The following ABCA12 variants were observed in gnomAD, a reference collection of about 807,000 sequenced individuals.
ABCA12 encodes the protein ATP binding cassette subfamily A member 12, also known as glucosylceramide transporter ABCA12.
Under a neutral mutation model 293.5 loss-of-function variants are expected in ABCA12, and 156 were observed. That is an observed-to-expected ratio of 0.53 (90% confidence interval 0.47 to 0.61). The LOEUF (loss-of-function observed/expected upper bound fraction) is 0.61, where lower values mean the gene tolerates loss of function less well. ABCA12 is among the 20% of genes least tolerant of loss of function. The pLI, the probability that ABCA12 is intolerant of heterozygous loss-of-function variation, is 0.00. For synonymous variants in ABCA12, 1,063 were observed against 1,108.0 expected, an observed-to-expected ratio of 0.96 and a Z score of 0.81; for missense variants, 2,797 against 3,090.2, an observed-to-expected ratio of 0.91 and a Z score of 2.25.
chr2:214,932,830 C>T (rs575250438), intron 52 of ABCA12, 89 bp from the exon 53 acceptor site: 2 of 917,852 alleles, frequency 2.2e-6, no homozygotes, highest in African/African-American at 3.3e-5. Context: ...TCCCCTTCCT[C>T]TCTCCTAGTG....
At chr2:215,054,518 G>T in intron 4 of ABCA12, 55 bp downstream of exon 4, 1 of 1,379,840 alleles carries the variant, frequency 7.2e-7, no homozygotes, top group Non-Finnish European at 1.0e-6. Flanking sequence ...TCAAAGATTA[G>T]ACCTTTACTG....
intron 39 of ABCA12, 124 bp from the exon 40 acceptor site, chr2:214,959,202 C>A (rs1574942731): frequency 3.4e-6 from 3 of 871,500 alleles, no homozygotes; most frequent in Admixed American, 2.2e-5. Flanking sequence ...ATTTGGGGGA[C>A]CTTTTTTTTT....
intron 23 of ABCA12, among the ~76,000 whole-genome samples, chr2:214,993,414 C>T (rs1699967684): frequency 6.6e-6 from 1 of 152,168 alleles, no homozygotes. Context: ...ATATCTTATT[C>T]CAGCAATTCT....
At chr2:215,101,278 A>G (rs1702350978) in intron 2 of ABCA12, among the ~76,000 whole-genome samples, 1 of 152,206 alleles carries the variant, frequency 6.6e-6, no homozygotes, top group Non-Finnish European at 1.5e-5. Flanking sequence ...TTTTAAGTTG[A>G]AAAGAAAGGA....
At position 214,932,278 on chromosome 2, in the gene ABCA12, T is replaced by A; in HGVS notation, c.*356A>T. 3.9e-6 allele frequency: 1 copy of A among 257,946 alleles called. No individual in the cohort carries two copies. Among genetic ancestry groups the A allele is most frequent in the Non-Finnish European group, 7.6e-6 (1 of 132,078 alleles). The allele number at this position is 257,946 out of a possible 1,614,324, so 16.0% of individuals were successfully genotyped here. On this transcript the variant is annotated 3_prime_UTR_variant, in exon 53 of 53. Transcript: ENST00000272895. ...AAACCATCTGACTTTTCTTCTCCAC[T>A]CTTATATTTCAACTACCAAAATCCA...
chr2:215,120,299 G>T (rs1239211356), intron 1 of ABCA12, among the ~76,000 whole-genome samples: 3 of 152,040 alleles, frequency 2.0e-5, no homozygotes, highest in Non-Finnish European at 1.5e-5. Context: ...GGAGACATGG[G>T]TTGAAAAACT....
At chr2:214,949,005 T>C (rs1307696675) in intron 46 of ABCA12, 35 bp downstream of exon 46, 1 of 1,513,036 alleles carries the variant, frequency 6.6e-7, no homozygotes, top group Non-Finnish European at 9.2e-7. Flanking sequence ...TTAAGTATGT[T>C]GTACTCGCTA....
Position 215,033,379 on chromosome 2 carries a change from T to G in ABCA12, c.986-1483A>C, listed in dbSNP as rs192443219. ...TCCTATGTGATGCTCAGCAAGCTAATTGGTATTTGTAATACTATGTGGTTA... is the reference window on the plus strand; with the variant it reads ...TCCTATGTGATGCTCAGCAAGCTAAGTGGTATTTGTAATACTATGTGGTTA... On this transcript the variant is annotated intron_variant, in intron 8 of 52. Coordinates refer to ENST00000272895, the MANE Select transcript of ABCA12 (RefSeq NM_173076.3). Among the ~76,000 whole-genome samples, 7 of 152,346 alleles carry G rather than the reference T, an allele frequency of 4.6e-5. No homozygotes were observed. In the East Asian group the frequency reaches 1.4e-3, roughly 29 times the overall value.
intron 17 of ABCA12, among the ~76,000 whole-genome samples, chr2:215,010,777 T>G (rs891837273): frequency 2.0e-5 from 3 of 152,088 alleles, no homozygotes; most frequent in African/African-American, 7.2e-5. Flanking sequence ...GCATTTACCT[T>G]TGAAAAAAAT....
intron 5 of ABCA12, chr2:215,050,818 C>A: frequency 7.1e-6 from 7 of 985,274 alleles, no homozygotes; most frequent in Non-Finnish European, 7.2e-6. Flanking sequence ...TCTACTCATT[C>A]TTGCAAGTGT....
intron 9 of ABCA12, among the ~76,000 whole-genome samples, chr2:215,028,326 C>T (rs1195688150): frequency 6.6e-6 from 1 of 152,174 alleles, no homozygotes; most frequent in Non-Finnish European, 1.5e-5. Context: ...AAAAGAAATA[C>T]ATGGCAAGAA....
intron 2 of ABCA12, among the ~76,000 whole-genome samples, chr2:215,069,225 A>AT (rs567136965): frequency 0.041 from 6,013 of 147,874 alleles, 376 homozygotes; most frequent in African/African-American, 0.14. Flanking sequence ...ATTTGAGAGC[A>AT]TTTTTTTTTT....
At chr2:215,054,410 T>G (rs1361753904) in intron 4 of ABCA12, among the ~76,000 whole-genome samples, 163 bp downstream of exon 4, 1 of 152,184 alleles carries the variant, frequency 6.6e-6, no homozygotes, top group Non-Finnish European at 1.5e-5. Context: ...TTTGCGTAAT[T>G]GCACCGCCAT....
At chr2:214,938,229 G>C (rs1329672793) in intron 50 of ABCA12, among the ~76,000 whole-genome samples, 1 of 152,020 alleles carries the variant, frequency 6.6e-6, no homozygotes, top group African/African-American at 2.4e-5. Flanking sequence ...TCCTGTGTTA[G>C]TTTGCTGAGA....
chr2:215,002,369 T>G (rs1700164141), intron 20 of ABCA12, among the ~76,000 whole-genome samples: 1 of 152,216 alleles, frequency 6.6e-6, no homozygotes, highest in South Asian at 2.1e-4. Flanking sequence ...GGGTAATTAC[T>G]CTGGAATAAA....
At chr2:214,955,575 TG>T (rs1438658811) in intron 42 of ABCA12, among the ~76,000 whole-genome samples, 4 of 152,144 alleles carry the variant, frequency 2.6e-5, no homozygotes, top group Non-Finnish European at 5.9e-5. Context: ...CCTGGTTATT[TG>T]GGAGGCTGAG....
At chr2:215,107,337 T>A (rs2970963) in intron 2 of ABCA12, among the ~76,000 whole-genome samples, 1 of 152,180 alleles carries the variant, frequency 6.6e-6, no homozygotes, top group African/African-American at 2.4e-5. Context: ...TCCTAAGCAG[T>A]GTTTTTTGGC....
At chr2:214,944,267 C>G (rs955407561) in intron 49 of ABCA12, among the ~76,000 whole-genome samples, 1 of 151,906 alleles carries the variant, frequency 6.6e-6, no homozygotes, top group Non-Finnish European at 1.5e-5. Flanking sequence ...CAAATATTAG[C>G]CGGGCATGGT....
intron 44 of ABCA12, among the ~76,000 whole-genome samples, chr2:214,951,722 A>G (rs1698778445): frequency 6.6e-6 from 1 of 152,148 alleles, no homozygotes; most frequent in Admixed American, 6.5e-5. Flanking sequence ...ACGCTACTGC[A>G]CTCCAGCCTG....
Sources: gnomAD v4.1 joint callset for allele counts (sites outside exome capture counted in the v4.1 genomes callset) on GRCh38, gnomAD v4.1.1 for gene constraint, MANE v1.5 for transcripts, NCBI Gene and HGNC (gene_info 2026-07-23, HGNC 2026-07-21) for gene names.